The following FBF1 variants were observed in gnomAD, a reference collection of about 807,000 sequenced individuals.
FBF1 encodes Fas binding factor 1.
FBF1 carries 119 observed loss-of-function variants against 147.2 expected under a neutral mutation model. The observed-to-expected ratio is 0.81, with a 90% CI of 0.70 to 0.94. The LOEUF (loss-of-function observed/expected upper bound fraction) is 0.94. Ranked by LOEUF, FBF1 falls within the 40% of genes least tolerant of loss-of-function variation. The probability of loss-of-function intolerance (pLI) is 0.00; values close to 1 mark genes in which losing one functional copy is unlikely to be tolerated. For synonymous variants in FBF1, 601 were observed against 609.0 expected (o/e 0.99, Z 0.19); for missense variants, 1,449 against 1,500.8 (o/e 0.97, Z 0.57).
At chr17:75,912,098 C>T in intron 29 of FBF1, 94 bp downstream of exon 29, 1 of 1,266,826 alleles carries the variant, frequency 7.9e-7, no homozygotes, top group Admixed American at 2.0e-5. Context: ...CTGGGGTCAC[C>T]CCTCCCCAGG....
At chr17:75,937,196 A>G (rs2065630245) in intron 3 of FBF1, among the ~76,000 whole-genome samples, 1 of 150,974 alleles carries the variant, frequency 6.6e-6, no homozygotes, top group Non-Finnish European at 1.5e-5. Context: ...TTTGAGACGG[A>G]GTCTCACTCT....
rs749865465 is a variant in FBF1 at position 75,914,776 on chromosome 17, G to T, written c.2785C>A (p.Arg929=). ...AERALQVDTQ[R]EGTLISLAKE... is the part of the protein sequence containing the mutation. ...GCCAGGCTGATGAGGGTGCCCTCCC[G>T]CTGGGTGTCCACCTGCAATGCCCGC... Residue 929 remains arginine (R), a synonymous_variant, in exon 25 of 30, where the codon CGG becomes AGG. Transcript: ENST00000636174. 1 of 1,589,132 alleles carries T rather than the reference G, an allele frequency of 6.3e-7. No homozygotes were observed. The highest frequency in any genetic ancestry group is 1.3e-5 in the African/African-American group (1 of 74,508).
In FBF1 at chr17:75,926,010, G is replaced by GC; in HGVS notation, c.868+19dup. 1.3e-6 allele frequency: 2 copies of GC among 1,589,762 alleles called. No homozygotes were observed. The highest frequency in any genetic ancestry group is 1.7e-6 in the Non-Finnish European group (2 of 1,167,002). On this transcript the variant is annotated intron_variant, in intron 12 of 29. Transcript: ENST00000636174. ...GAGGCCTCCCTCCCGTCCTGTTGCG[G>GC]CCCCCGCAAGCCTCCTTACCCTGTG...
In FBF1 at chr17:75,915,039, C is replaced by T. The variant is rs1416585934; in HGVS notation, c.2606G>A (p.Arg869Lys). 3 of 1,613,612 alleles carry T rather than the reference C, an allele frequency of 1.9e-6. No homozygotes were observed. The highest frequency in any genetic ancestry group is 2.5e-6 in the Non-Finnish European group (3 of 1,179,876). ...KVTAQQMAME[R>K]AELERAKSAL... ...CACCTTGGCCCGTTCCAGCTCCGCCCTTTCCATGGCCATCTGCTGGGCCGT... is the reference window on the plus strand; with the variant it reads ...CACCTTGGCCCGTTCCAGCTCCGCCTTTTCCATGGCCATCTGCTGGGCCGT... The change falls in exon 24 of 30, where the codon AGG becomes AAG. Residue 869 changes from arginine to lysine, a missense_variant. Coordinates refer to ENST00000636174, the MANE Select transcript of FBF1 (RefSeq NM_001319193.2).
chr17:75,938,372 C>T (rs910550331), intron 1 of FBF1, 140 bp from the exon 2 acceptor site: 1 of 630,610 alleles, frequency 1.6e-6, no homozygotes. Context: ...ACCAGCCTGG[C>T]CAACATGGTG....
chr17:75,916,961 C>T lies in FBF1; in HGVS notation c.2505+771G>A, dbSNP rs556035695. 2.4e-4 allele frequency among the ~76,000 whole-genome samples: 36 copies of T among 152,356 alleles called. 1 individual carries two copies. The South Asian group carries it at 7.3e-3, about 31-fold the overall frequency. Reference sequence around the variant, plus strand: ...TGTGTCCTAGATTCAAGCGATTCTCCCACCTCAGCCTCTCTAGTAGCTGGG... The same window carrying T: ...TGTGTCCTAGATTCAAGCGATTCTCTCACCTCAGCCTCTCTAGTAGCTGGG... On this transcript the variant is annotated intron_variant, in intron 23 of 29. Coordinates refer to ENST00000636174, the MANE Select transcript of FBF1 (RefSeq NM_001319193.2).
In FBF1 at chr17:75,919,522, C is replaced by T; in HGVS notation, c.2138+146G>A. 1.1e-6 allele frequency: 1 copy of T among 905,312 alleles called. No individual in the cohort carries two copies. Among genetic ancestry groups the T allele is most frequent in the Admixed American group, 2.4e-5 (1 of 41,902 alleles). 56.1% of individuals were successfully genotyped at this position (905,312 alleles called of 1,614,324 possible). The stretch of plus-strand genomic sequence containing the variant: ...GTGTGATGGGTCAGTGTGCTCAGCC[C>T]TCAGTCCTCACTCACTGGACTGGGA... On this transcript the variant is annotated intron_variant, in intron 20 of 29. Transcript: ENST00000636174. The surrounding 1 kb of genome is among the most constrained non-coding windows in gnomAD (Gnocchi z 5.0).
At chr17:75,935,566 A>G in intron 4 of FBF1, 66 bp downstream of exon 4, 2 of 1,476,660 alleles carry the variant, frequency 1.4e-6, no homozygotes, top group Non-Finnish European at 1.8e-6. Context: ...AGCCTGGGCA[A>G]CATAGTAAGA....
At chr17:75,933,188 A>G (rs2065604814) in intron 4 of FBF1, 100 bp from the exon 5 acceptor site, 2 of 894,652 alleles carry the variant, frequency 2.2e-6, no homozygotes, top group Non-Finnish European at 3.4e-6. Context: ...TCTCTGTATT[A>G]GGAGGAAGAA....
rs374128711 is a variant in FBF1 at position 75,926,379 on chromosome 17, C to T, written c.643G>A (p.Glu215Lys). 6.2e-7 allele frequency: 1 copy of T among 1,606,702 alleles called. No homozygotes were observed. Among genetic ancestry groups the T allele is most frequent in the Admixed American group, 1.7e-5 (1 of 58,746 alleles). Residue 215 changes from glutamate to lysine, a missense_variant, in exon 11 of 30, where the codon GAA becomes AAA. Glu to Lys is a moderately conservative substitution (Grantham distance 56). Coordinates refer to ENST00000636174, the MANE Select transcript of FBF1 (RefSeq NM_001319193.2). The part of the protein sequence containing the change: ...TPGDTPIRKK[E>K]ELLFDDGDDI... ...TCCCCATCATCAAACAACAATTCTT[C>T]TTTTTTTCGGATGGGGGTGTCCCCA...
intron 8 of FBF1, among the ~76,000 whole-genome samples, 198 bp downstream of exon 8, chr17:75,927,877 GA>G (rs1284333534): frequency 6.6e-6 from 1 of 152,146 alleles, no homozygotes; most frequent in Non-Finnish European, 1.5e-5. Flanking sequence ...AGGAAGGGAG[GA>G]AACTCAAGCT....
At chr17:75,911,839 A>T (rs1407713183) in intron 29 of FBF1, among the ~76,000 whole-genome samples, 1 of 151,726 alleles carries the variant, frequency 6.6e-6, no homozygotes, top group Non-Finnish European at 1.5e-5. Flanking sequence ...TTTTGTAGAG[A>T]CGGTGTCTCA....
rs1047601074 is a variant in FBF1, at chr17:75,928,195, T to C, written c.280-2A>G. On this transcript the variant is annotated splice_acceptor_variant, in intron 7 of 29. Coordinates refer to ENST00000636174, the MANE Select transcript of FBF1 (RefSeq NM_001319193.2). LOFTEE classifies it high-confidence loss of function. The surrounding 1 kb of genome is among the most constrained non-coding windows in gnomAD (Gnocchi z 4.2). ...ATCAGCATCCATGCCGTCCAGGTCC[T>C]AGAAAACCAGGGAGGGAGGGCAGAG... The C allele has an allele frequency of 3.7e-6, 6 of 1,613,306 alleles. No individual in the cohort carries two copies. In the African/African-American group the frequency reaches 8.0e-5, roughly 22 times the overall value.
At position 75,914,343 on chromosome 17, in the gene FBF1, C is replaced by T. The variant is rs374104550; in HGVS notation, c.2815-45G>A. On this transcript the variant is annotated intron_variant, in intron 25 of 29. Coordinates refer to ENST00000636174, the MANE Select transcript of FBF1 (RefSeq NM_001319193.2). ...TGCTGCATTCTCCTCCCAGGAATTG[C>T]GCTGCACTCTGTGCAGGACTCTAGG... 1.5e-5 allele frequency: 24 copies of T among 1,555,632 alleles called. No homozygotes were observed. In the African/African-American group the frequency reaches 2.6e-4, roughly 17 times the overall value.
In FBF1 at chr17:75,914,200, C is replaced by T. The variant is rs1198939608; in HGVS notation, c.2913G>A (p.Leu971=). 7.5e-6 allele frequency: 12 copies of T among 1,593,762 alleles called. No homozygotes were observed. The highest frequency in any genetic ancestry group is 8.5e-6 in the Non-Finnish European group (10 of 1,172,672). Residue 971 remains leucine, a synonymous_variant, in exon 26 of 30, where the codon CTG becomes CTA. Transcript: ENST00000636174. Reference sequence around the variant, plus strand: ...CGTTGATCCTCTCCTTCTCCAGCCGCAGCTCCTGCCGCTCCTGCTCCAGGG... The same window carrying T: ...CGTTGATCCTCTCCTTCTCCAGCCGTAGCTCCTGCCGCTCCTGCTCCAGGG... ...RAALEQERQE[L]RLEKERINAT... is the part of the protein sequence containing the mutation.
Position 75,913,906 on chromosome 17 carries a change from G to A in FBF1, c.3129+7C>T, listed in dbSNP as rs758160836. 5.8e-5 allele frequency: 89 copies of A among 1,546,964 alleles called. 1 individual carries two copies. In the South Asian group the frequency reaches 9.8e-4, roughly 17 times the overall value. ...GGCAGGGGCGCCATACACTCAGGGA[G>A]CCTTGCCTGGTGCATGTGCTGCTCC... On this transcript the variant is annotated splice_region_variant and intron_variant, in intron 27 of 29. Transcript: ENST00000636174.
In FBF1 at chr17:75,915,032, C is replaced by G; in HGVS notation, c.2613G>C (p.Glu871Asp). ...TAQQMAMERA[E>D]LERAKSALLE... is the part of the protein sequence containing the mutation. ...CTTGACTCACCTTGGCCCGTTCCAG[C>G]TCCGCCCTTTCCATGGCCATCTGCT... Residue 871 changes from glutamate (E) to aspartate (D), a missense_variant, in exon 24 of 30, where the codon GAG becomes GAC. Coordinates refer to ENST00000636174, the MANE Select transcript of FBF1 (RefSeq NM_001319193.2). 2 of 1,613,510 alleles carry G rather than the reference C, an allele frequency of 1.2e-6. No homozygotes were observed. The highest frequency in any genetic ancestry group is 1.7e-5 in the Admixed American group (1 of 60,014).
At chr17:75,934,410 A>C (rs1218188496) in intron 4 of FBF1, among the ~76,000 whole-genome samples, 1 of 152,012 alleles carries the variant, frequency 6.6e-6, no homozygotes, top group Non-Finnish European at 1.5e-5. Flanking sequence ...AAAATACAAA[A>C]AGTAGCTGGT....
chr17:75,937,561 C>T lies in FBF1; in HGVS notation c.31+5G>A. The T allele has an allele frequency of 6.2e-7, 1 of 1,613,926 alleles. No homozygotes were observed. The highest frequency in any genetic ancestry group is 8.5e-7 in the Non-Finnish European group (1 of 1,179,862). On this transcript the variant is annotated splice_donor_5th_base_variant and intron_variant, in intron 3 of 29. Coordinates refer to ENST00000636174, the MANE Select transcript of FBF1 (RefSeq NM_001319193.2). ...TTAAGAGTAATGTTCCATCTCTCCACTCACCTTTACATCCTTTCTTGGTTT... is the reference window on the plus strand; with the variant it reads ...TTAAGAGTAATGTTCCATCTCTCCATTCACCTTTACATCCTTTCTTGGTTT...
Sources: allele counts gnomAD v4.1 joint callset (sites outside exome capture counted in the v4.1 genomes callset), GRCh38; gene constraint gnomAD v4.1.1; non-coding constraint Gnocchi (gnomAD v3.1); transcripts MANE v1.5; gene names NCBI Gene and HGNC (gene_info 2026-07-23, HGNC 2026-07-21).